The following TBC1D32 variants were observed in gnomAD, a reference collection of about 807,000 sequenced individuals.
TBC1D32 encodes protein broad-minded.
Under a neutral mutation model 170.3 loss-of-function variants are expected in TBC1D32, and 151 were observed. That is an observed-to-expected ratio of 0.89 (90% CI 0.78 to 1.01). TBC1D32 has a LOEUF of 1.01. TBC1D32 is among the 50% of genes least tolerant of loss of function. The pLI is 0.00. For synonymous variants in TBC1D32, 498 were observed against 488.0 expected, an observed-to-expected ratio of 1.02 and a Z score of -0.27; for missense variants, 1,464 against 1,457.1, an observed-to-expected ratio of 1.00 and a Z score of -0.08.
intron 15 of TBC1D32, among the ~76,000 whole-genome samples, chr6:121,269,061 C>T (rs995527946): frequency 1.3e-5 from 2 of 152,088 alleles, no homozygotes; most frequent in Non-Finnish European, 2.9e-5. Context: ...CAAACAAATG[C>T]TGAGAGATTT....
intron 1 of TBC1D32, among the ~76,000 whole-genome samples, chr6:121,325,071 G>A (rs992531158): frequency 1.3e-5 from 2 of 152,066 alleles, no homozygotes; most frequent in African/African-American, 4.8e-5. Flanking sequence ...AATTAGCTGG[G>A]CATGGTGGCA....
chr6:121,096,022 G>A lies in TBC1D32; in HGVS notation c.3466-4981C>T, dbSNP rs539875693. On this transcript the variant is annotated intron_variant, in intron 30 of 31. Transcript: ENST00000398212. ...GAAGGAATGGCACCAGCTCCTCTTT[G>A]TACCTCTGGGTAGAATTCGGCTGTG... The A allele has an allele frequency of 2.6e-5, 4 of 152,218 alleles. No homozygotes were observed. The South Asian group carries it at 8.3e-4, about 32-fold the overall frequency. The allele number at this position is 152,218 out of a possible 1,614,324, so 9.4% of individuals were successfully genotyped here.
At chr6:121,276,119 C>CAAA (rs61692987) in intron 15 of TBC1D32, among the ~76,000 whole-genome samples, 2 of 87,694 alleles carry the variant, frequency 2.3e-5, no homozygotes, top group Non-Finnish European at 2.8e-5. Context: ...GACCTTGTCT[C>CAAA]AAAAAAAAAA....
chr6:121,227,909 T>C (rs1195835886), intron 20 of TBC1D32, among the ~76,000 whole-genome samples: 1 of 152,166 alleles, frequency 6.6e-6, no homozygotes, highest in African/African-American at 2.4e-5. Context: ...AATCCACTGG[T>C]GAAACCATCT....
In TBC1D32 at chr6:121,241,469, C is replaced by CT; in HGVS notation, c.2240dup (p.Ser748ValfsTer5). 1 of 1,612,038 alleles carries CT rather than the reference C, an allele frequency of 6.2e-7. No homozygotes were observed. The highest frequency in any genetic ancestry group is 8.5e-7 in the Non-Finnish European group (1 of 1,179,010). Reference sequence around the variant, plus strand: ...TAATGAAAAGAAAACATTTACCTGACTTTTTTAGTGCAATGCCACCTGCTG... The same window carrying CT: ...TAATGAAAAGAAAACATTTACCTGACTTTTTTTAGTGCAATGCCACCTGCTG... On this transcript the variant is annotated frameshift_variant, in exon 19 of 32. Coordinates refer to ENST00000398212, the MANE Select transcript of TBC1D32 (RefSeq NM_152730.6). LOFTEE classifies it high-confidence loss of function.
chr6:121,195,436 T>A (rs1452563745), intron 22 of TBC1D32, among the ~76,000 whole-genome samples: 3 of 152,168 alleles, frequency 2.0e-5, no homozygotes, highest in Non-Finnish European at 4.4e-5. Flanking sequence ...TGGTGGAAAC[T>A]GAATGTTTGA....
intron 19 of TBC1D32, among the ~76,000 whole-genome samples, chr6:121,239,690 A>C (rs917301037): frequency 4.6e-5 from 7 of 152,162 alleles, no homozygotes; most frequent in African/African-American, 1.7e-4. Flanking sequence ...ACTAAGAAGA[A>C]TTCTGCATTT....
Position 121,112,952 on chromosome 6 carries a change from T to C in TBC1D32, c.3169+110A>G, listed in dbSNP as rs7771625. On this transcript the variant is annotated intron_variant, in intron 28 of 31. Coordinates refer to ENST00000398212, the MANE Select transcript of TBC1D32 (RefSeq NM_152730.6). The stretch of plus-strand genomic sequence containing the variant: ...AGAATATATCATAACAAATCACTAA[T>C]ATAGCTTAAAGTACTACTTTACTAT... 103,060 of 777,864 alleles carry C rather than the reference T, an allele frequency of 0.13. 9,588 individuals are homozygous for C. The highest frequency in any genetic ancestry group is 0.36 in the African/African-American group (20,154 of 56,004). 48.2% of individuals were successfully genotyped at this position (777,864 alleles called of 1,614,324 possible).
At chr6:121,149,799 C>T (rs1783973638) in intron 24 of TBC1D32, among the ~76,000 whole-genome samples, 1 of 152,128 alleles carries the variant, frequency 6.6e-6, no homozygotes, top group Non-Finnish European at 1.5e-5. Flanking sequence ...TGAAGAAAGT[C>T]AATGGTAGCC....
chr6:121,263,260 G>A (rs1474636752), intron 15 of TBC1D32, among the ~76,000 whole-genome samples: 2 of 151,438 alleles, frequency 1.3e-5, no homozygotes, highest in African/African-American at 2.4e-5. Flanking sequence ...CCTAGCAAAT[G>A]GAGAGCAGAA....
chr6:121,106,758 G>A (rs1778726791), intron 29 of TBC1D32, among the ~76,000 whole-genome samples: 1 of 151,690 alleles, frequency 6.6e-6, no homozygotes, highest in Admixed American at 6.6e-5. Context: ...AGGTTCTCAG[G>A]CCAACTATTT....
intron 31 of TBC1D32, among the ~76,000 whole-genome samples, chr6:121,089,973 C>T (rs1245136847): frequency 6.6e-6 from 1 of 151,150 alleles, no homozygotes; most frequent in African/African-American, 2.4e-5. Context: ...TCACTCTGTC[C>T]CCCAGGCTGG....
intron 17 of TBC1D32, among the ~76,000 whole-genome samples, chr6:121,247,726 AAGGACATTATACAATAATGGATTAGT>A (rs1797803742): frequency 6.7e-6 from 1 of 150,054 alleles, no homozygotes; most frequent in African/African-American, 2.5e-5. Context: ...AAAGACAAAG[AAGGACATTATACAATAATGGATTAGT>A]ACAACAGGAA....
intron 24 of TBC1D32, among the ~76,000 whole-genome samples, chr6:121,135,747 C>A (rs9375002): frequency 0.17 from 26,534 of 152,030 alleles, 3,025 homozygotes; most frequent in East Asian, 0.51. Flanking sequence ...CCAGAGCACA[C>A]CTAGAGTTAC....
intron 31 of TBC1D32, among the ~76,000 whole-genome samples, chr6:121,089,960 G>A (rs992256019): frequency 2.0e-5 from 3 of 149,424 alleles, no homozygotes; most frequent in African/African-American, 7.4e-5. Context: ...TTGGAGACGA[G>A]TCTCACTCTG....
At chr6:121,112,048 T>C (rs17083177) in intron 29 of TBC1D32, among the ~76,000 whole-genome samples, 29,321 of 152,022 alleles carry the variant, frequency 0.19, 3,930 homozygotes, top group African/African-American at 0.36. Flanking sequence ...TTAAAATACA[T>C]TACGATACTT....
chr6:121,273,638 T>TAA (rs35856036), intron 15 of TBC1D32, among the ~76,000 whole-genome samples: 18 of 140,732 alleles, frequency 1.3e-4, no homozygotes, highest in East Asian at 8.1e-4. Context: ...AAGTATAATT[T>TAA]AAAAAAAAAA....
intron 29 of TBC1D32, 95 bp downstream of exon 29, chr6:121,112,410 C>A: frequency 2.7e-6 from 3 of 1,117,902 alleles, no homozygotes; most frequent in Non-Finnish European, 3.7e-6. Flanking sequence ...TAATTTATTA[C>A]AAAGTCCTTC....
chr6:121,111,859 A>G (rs775949370), intron 29 of TBC1D32, among the ~76,000 whole-genome samples: 2 of 152,124 alleles, frequency 1.3e-5, no homozygotes, highest in Non-Finnish European at 2.9e-5. Flanking sequence ...GCAACATGTC[A>G]TGGAAAAGGT....
Sources: allele counts gnomAD v4.1 joint callset (sites outside exome capture counted in the v4.1 genomes callset), GRCh38; gene constraint gnomAD v4.1.1; transcripts MANE v1.5; gene names NCBI Gene and HGNC (gene_info 2026-07-23, HGNC 2026-07-21).